The following TUSC3 variants were observed in gnomAD, a reference collection of about 807,000 sequenced individuals.
TUSC3 encodes the protein dolichyl-diphosphooligosaccharide--protein glycosyltransferase subunit TUSC3.
TUSC3 carries 45 observed loss-of-function variants against 44.8 expected under a neutral mutation model. The ratio of observed to expected loss-of-function variants is 1.00; its 90% CI spans 0.79 to 1.29. The LOEUF is 1.29. TUSC3 is among the 50% of genes most tolerant of loss of function. TUSC3 has a pLI of 0.00. For synonymous variants in TUSC3, 212 were observed against 152.9 expected (o/e 1.39, Z -2.85); for missense variants, 519 against 437.9 (o/e 1.19, Z -1.65).
chr8:15,795,559 T>A, the TUSC3 span, among the ~76,000 whole-genome samples: 1 of 152,200 alleles, frequency 6.6e-6, no homozygotes, highest in Admixed American at 6.5e-5. Flanking sequence ...AGGTCATCTG[T>A]GAACTTTCTT....
intron 2 of TUSC3, among the ~76,000 whole-genome samples, chr8:15,485,888 G>A (rs1800726972): frequency 2.6e-5 from 4 of 152,172 alleles, no homozygotes; most frequent in African/African-American, 9.6e-5. Context: ...TGCCTCCTGG[G>A]TTCAAGTGAT....
chr8:15,629,470 A>G (rs901606357), intron 2 of TUSC3, among the ~76,000 whole-genome samples: 2 of 151,958 alleles, frequency 1.3e-5, no homozygotes, highest in African/African-American at 4.8e-5. Context: ...AATTATTCAA[A>G]TTATATTTCT....
intron 1 of TUSC3, among the ~76,000 whole-genome samples, chr8:15,475,676 T>C (rs540620838): frequency 5.3e-5 from 8 of 152,288 alleles, no homozygotes; most frequent in Middle Eastern, 6.8e-3. Flanking sequence ...TACATAATCA[T>C]TTTGGTTTTA....
the TUSC3 span, among the ~76,000 whole-genome samples, chr8:15,815,158 A>G: frequency 6.6e-6 from 1 of 152,344 alleles, no homozygotes; most frequent in East Asian, 1.9e-4. Context: ...AAATACTTGT[A>G]CATAAAAATG....
chr8:15,649,121 T>G (rs1806770038), intron 2 of TUSC3, among the ~76,000 whole-genome samples: 1 of 152,198 alleles, frequency 6.6e-6, no homozygotes, highest in South Asian at 2.1e-4. Context: ...CAGTTACACT[T>G]CCATTTTCAT....
intron 6 of TUSC3, among the ~76,000 whole-genome samples, chr8:15,721,732 T>C (rs1810311200): frequency 6.6e-6 from 1 of 152,108 alleles, no homozygotes; most frequent in South Asian, 2.1e-4. Context: ...AAATATGTTA[T>C]CAATAAAACA....
At chr8:15,755,738 A>G (rs901145340) in intron 9 of TUSC3, among the ~76,000 whole-genome samples, 4 of 149,818 alleles carry the variant, frequency 2.7e-5, no homozygotes, top group African/African-American at 9.8e-5. Context: ...TTAAAAAAAG[A>G]AAAAAAAAAG....
chr8:15,641,130 G>A (rs1197651906), intron 2 of TUSC3, among the ~76,000 whole-genome samples: 17 of 152,040 alleles, frequency 1.1e-4, no homozygotes, highest in Admixed American at 1.1e-3. Context: ...GGAGGCCGAG[G>A]TGGGCAGATC....
chr8:15,750,223 C>G (rs917477732), intron 9 of TUSC3, among the ~76,000 whole-genome samples: 3 of 151,998 alleles, frequency 2.0e-5, no homozygotes, highest in African/African-American at 7.2e-5. Flanking sequence ...TCATGGTCCA[C>G]CCACCTCGGC....
chr8:15,430,011 G>A (rs113254599), intron 1 of TUSC3, among the ~76,000 whole-genome samples: 16,143 of 151,220 alleles, frequency 0.11, 1,117 homozygotes, highest in Middle Eastern at 0.21. Flanking sequence ...AAAAAATCCA[G>A]GACCAGATGG....
At chr8:15,812,729 G>A in the TUSC3 span, among the ~76,000 whole-genome samples, 1 of 117,204 alleles carries the variant, frequency 8.5e-6, no homozygotes, top group Non-Finnish European at 1.9e-5. Flanking sequence ...TTTTCAACAT[G>A]ATATGCCTTA....
chr8:15,574,554 T>A (rs943376670), intron 1 of TUSC3, among the ~76,000 whole-genome samples: 15 of 152,128 alleles, frequency 9.9e-5, no homozygotes, highest in Non-Finnish European at 4.4e-5. Flanking sequence ...ACAATAGATA[T>A]TATTTAGTAA....
At chr8:15,500,204 G>A (rs1800941459) in intron 2 of TUSC3, among the ~76,000 whole-genome samples, 1 of 152,144 alleles carries the variant, frequency 6.6e-6, no homozygotes, top group African/African-American at 2.4e-5. Flanking sequence ...GGTGGCCTCT[G>A]GTGGTGGCTG....
chr8:15,848,004 G>A, the TUSC3 span, among the ~76,000 whole-genome samples: 2 of 152,286 alleles, frequency 1.3e-5, no homozygotes, highest in South Asian at 2.1e-4. Flanking sequence ...CAGTGGACAT[G>A]CAATACATAT....
chr8:15,498,732 T>C (rs542584527), intron 2 of TUSC3, among the ~76,000 whole-genome samples: 1 of 152,280 alleles, frequency 6.6e-6, no homozygotes, highest in South Asian at 2.1e-4. Context: ...TCCAGTTTTG[T>C]TTGTTTCCTT....
upstream of TUSC3, among the ~76,000 whole-genome samples, chr8:15,539,172 C>T (rs955950711): frequency 1.3e-5 from 2 of 151,656 alleles, no homozygotes; most frequent in Non-Finnish European, 2.9e-5. Flanking sequence ...TAATTTCATG[C>T]GTTTAGAAAT....
intron 1 of TUSC3, among the ~76,000 whole-genome samples, chr8:15,556,453 A>G (rs199617896): frequency 1.3e-5 from 2 of 151,478 alleles, no homozygotes; most frequent in Non-Finnish European, 2.9e-5. Flanking sequence ...GAATAATGCC[A>G]CAGTAAACAT....
chr8:15,623,062 T>G lies in TUSC3; in HGVS notation c.139-18T>G, dbSNP rs554871980. ...ACTTTGACTCTTTGTAAATGTTAAT[T>G]TCTGTGTTTAATTGCAGAATCTTTT... On this transcript the variant is annotated intron_variant, in intron 1 of 10. Coordinates refer to ENST00000503731, the MANE Select transcript of TUSC3 (RefSeq NM_006765.4). 1.9e-6 allele frequency: 3 copies of G among 1,612,732 alleles called. No individual in the cohort carries two copies. The African/African-American group carries it at 4.0e-5, about 21-fold the overall frequency.
At chr8:15,847,385 T>G in the TUSC3 span, among the ~76,000 whole-genome samples, 16,002 of 152,152 alleles carry the variant, frequency 0.11, 1,418 homozygotes, top group East Asian at 0.21. Context: ...TTTTGCAAAC[T>G]TCTCTGTTGT....
Sources: allele counts gnomAD v4.1 joint callset (sites outside exome capture counted in the v4.1 genomes callset), GRCh38; gene constraint gnomAD v4.1.1; transcripts MANE v1.5; gene names NCBI Gene and HGNC (gene_info 2026-07-23, HGNC 2026-07-21).